Variants in SWT1 observed in about 807,000 individuals in gnomAD.
The protein encoded by SWT1 is SWT1 RNA endoribonuclease homolog, also known as transcriptional protein SWT1.
A neutral mutation model predicts 107.3 loss-of-function variants in SWT1; 33 were observed. That is an observed-to-expected ratio of 0.31 (90% CI 0.23 to 0.41). The LOEUF (loss-of-function observed/expected upper bound fraction) is 0.41. Ranked by LOEUF, SWT1 falls within the 10% of genes least tolerant of loss-of-function variation. The probability of loss-of-function intolerance (pLI) is 1.00; values close to 1 mark genes in which losing one functional copy is unlikely to be tolerated. For missense variants in SWT1, 898 were observed against 1,028.9 expected, an observed-to-expected ratio of 0.87 and a Z score of 1.74; for synonymous variants, 345 against 348.3, an observed-to-expected ratio of 0.99 and a Z score of 0.11.
chr1:185,201,111 C>T (rs1657838688), intron 10 of SWT1, among the ~76,000 whole-genome samples: 1 of 152,030 alleles, frequency 6.6e-6, no homozygotes, highest in Non-Finnish European at 1.5e-5. Flanking sequence ...CCACCAAATT[C>T]CAGCATCCTA....
chr1:185,246,102 T>C (rs1416370647), intron 16 of SWT1, among the ~76,000 whole-genome samples: 1 of 152,046 alleles, frequency 6.6e-6, no homozygotes, highest in Non-Finnish European at 1.5e-5. Flanking sequence ...CCATCATATA[T>C]GTGGTCCATT....
chr1:185,186,052 A>G (rs1327852873), intron 9 of SWT1, among the ~76,000 whole-genome samples: 1 of 152,156 alleles, frequency 6.6e-6, no homozygotes, highest in African/African-American at 2.4e-5. Flanking sequence ...ACCCGGGGGA[A>G]GTTAAAGGTG....
chr1:185,182,082 T>A, intron 7 of SWT1, 25 bp downstream of exon 7: 1 of 1,582,034 alleles, frequency 6.3e-7, no homozygotes, highest in Non-Finnish European at 8.6e-7. Flanking sequence ...TTGATGTGTA[T>A]GCTCCCCTAT....
At position 185,201,099 on chromosome 1, in the gene SWT1, C is replaced by T. The variant is rs189595119; in HGVS notation, c.1524-1555C>T. Among the ~76,000 whole-genome samples, 238 of 152,236 alleles carry T rather than the reference C, an allele frequency of 1.6e-3. 1 individual carries two copies. The highest frequency in any genetic ancestry group is 5.6e-3 in the African/African-American group (232 of 41,548). ...CTTCAGTAATGGCGGATGCCCCTCC[C>T]CCCACCAAATTCCAGCATCCTAGGT... On this transcript the variant is annotated intron_variant, in intron 10 of 18. Coordinates refer to ENST00000367500, the MANE Select transcript of SWT1 (RefSeq NM_017673.7).
chr1:185,215,969 T>C lies in SWT1; in HGVS notation c.2121+1314T>C, dbSNP rs1454402811. ...CCAGTATAGATATTATGTTCTCTTT[T>C]TTCTCTGAGGAACTGAATTGTCCAG... On this transcript the variant is annotated intron_variant, in intron 14 of 18. Transcript: ENST00000367500. Among the ~76,000 whole-genome samples, 3 of 152,184 alleles carry C rather than the reference T, an allele frequency of 2.0e-5. No individual in the cohort carries two copies. The East Asian group carries it at 5.8e-4, about 29-fold the overall frequency.
intron 8 of SWT1, 117 bp downstream of exon 8, chr1:185,184,461 A>G: frequency 1.5e-6 from 1 of 676,966 alleles, no homozygotes; most frequent in South Asian, 1.8e-5. Flanking sequence ...GCTATATATT[A>G]AGCATATTCA....
At position 185,167,122 on chromosome 1, in the gene SWT1, G is replaced by A. The variant is rs534342147; in HGVS notation, c.165+470G>A. ...AGGGTTTTACCTTGTTGACCAGGAT[G>A]GTCTCAAACTCCTGACCTCAAGTGA... On this transcript the variant is annotated intron_variant, in intron 3 of 18. Transcript: ENST00000367500. 1.7e-4 allele frequency among the ~76,000 whole-genome samples: 26 copies of A among 152,214 alleles called. No individual in the cohort carries two copies. The South Asian group carries it at 4.8e-3, about 28-fold the overall frequency.
At chr1:185,252,065 A>G (rs1571619697) in intron 16 of SWT1, among the ~76,000 whole-genome samples, 1 of 151,698 alleles carries the variant, frequency 6.6e-6, no homozygotes, top group African/African-American at 2.4e-5. Context: ...TGTTCTTGCG[A>G]TAGTTTACTG....
intron 10 of SWT1, among the ~76,000 whole-genome samples, chr1:185,197,027 T>C (rs1657452462): frequency 6.6e-6 from 1 of 152,228 alleles, no homozygotes; most frequent in Non-Finnish European, 1.5e-5. Flanking sequence ...CCTTGTTTTG[T>C]GCCGGTTTTC....
chr1:185,272,964 T>G (rs923177032), intron 17 of SWT1, among the ~76,000 whole-genome samples: 5 of 151,196 alleles, frequency 3.3e-5, no homozygotes, highest in African/African-American at 1.2e-4. Context: ...GTCCGGGAGG[T>G]CAAGGCTGCA....
chr1:185,260,901 T>A (rs2102692186), intron 16 of SWT1, among the ~76,000 whole-genome samples: 1 of 152,276 alleles, frequency 6.6e-6, no homozygotes. Context: ...TTCTTGACTC[T>A]TTCCCCACAG....
intron 16 of SWT1, among the ~76,000 whole-genome samples, chr1:185,268,308 T>C (rs1476031391): frequency 1.3e-5 from 2 of 152,234 alleles, no homozygotes. Flanking sequence ...TAACTAAATA[T>C]TTACATTTAG....
chr1:185,284,849 C>G lies in SWT1; in HGVS notation c.2574-5825C>G, dbSNP rs1664853918. 3.3e-5 allele frequency among the ~76,000 whole-genome samples: 5 copies of G among 151,560 alleles called. No homozygotes were observed. In the South Asian group the frequency reaches 1.0e-3, roughly 32 times the overall value. ...TGTTTCATTCCAGTGCCTCTCTGGACCTGATAATTTAAACAGGCTTGCATT... is the reference window on the plus strand; with the variant it reads ...TGTTTCATTCCAGTGCCTCTCTGGAGCTGATAATTTAAACAGGCTTGCATT... On this transcript the variant is annotated intron_variant, in intron 18 of 18. Transcript: ENST00000367500.
intron 2 of SWT1, among the ~76,000 whole-genome samples, chr1:185,165,804 C>T (rs1270631332): frequency 2.0e-5 from 3 of 152,242 alleles, no homozygotes; most frequent in Non-Finnish European, 2.9e-5. Flanking sequence ...AGGCATGTTT[C>T]TGCCTCTGGG....
intron 11 of SWT1, among the ~76,000 whole-genome samples, chr1:185,203,689 G>A (rs979947662): frequency 6.0e-5 from 9 of 150,446 alleles, no homozygotes; most frequent in African/African-American, 2.2e-4. Flanking sequence ...AATCTGTTCT[G>A]TAGCTTGATA....
At position 185,174,382 on chromosome 1, in the gene SWT1, G is replaced by T; in HGVS notation, c.235G>T (p.Glu79Ter). ...TGTGCTGTTTTACAGATTGAGTGTAGAAATTGACACTCTCAGAAGGAGACC... is the reference window on the plus strand; with the variant it reads ...TGTGCTGTTTTACAGATTGAGTGTATAAATTGACACTCTCAGAAGGAGACC... ...RRQGLKRLSV[E>*]IDTLRRRPKI... Residue 79 changes from glutamate (E) to a stop codon, truncating the protein, a stop_gained, in exon 5 of 19, where the codon GAA (glutamate) becomes TAA (stop). Coordinates refer to ENST00000367500, the MANE Select transcript of SWT1 (RefSeq NM_017673.7). LOFTEE classifies it high-confidence loss of function. The T allele has an allele frequency of 6.5e-7, 1 of 1,547,238 alleles. No individual in the cohort carries two copies. The highest frequency in any genetic ancestry group is 1.3e-5 in the South Asian group (1 of 78,206).
intron 18 of SWT1, chr1:185,281,822 AC>A (rs1664642447): frequency 6.5e-6 from 1 of 152,952 alleles, no homozygotes; most frequent in Admixed American, 6.5e-5. Flanking sequence ...AAAAAGTAAA[AC>A]ATGTAGCTTT....
In SWT1 at chr1:185,184,164, T is replaced by A. The variant is rs1019133157; in HGVS notation, c.1139-79T>A. On this transcript the variant is annotated intron_variant, in intron 7 of 18. Coordinates refer to ENST00000367500, the MANE Select transcript of SWT1 (RefSeq NM_017673.7). ...GTTTTAAATTTAATTGAATTTTCAA[T>A]GCTTCTGTAATATCAAAATTTTAGT... 20 of 675,482 alleles carry A rather than the reference T, an allele frequency of 3.0e-5. No homozygotes were observed. The African/African-American group carries it at 3.2e-4, about 11-fold the overall frequency. The allele number at this position is 675,482 out of a possible 1,614,324, so 41.8% of individuals were successfully genotyped here.
chr1:185,269,811 A>G (rs531101235), intron 16 of SWT1, among the ~76,000 whole-genome samples: 48 of 152,358 alleles, frequency 3.2e-4, no homozygotes, highest in Admixed American at 2.3e-3. Flanking sequence ...TTTCAATTCT[A>G]TGATGGTGCA....
Sources: gnomAD v4.1 joint callset for allele counts (sites outside exome capture counted in the v4.1 genomes callset) on GRCh38, gnomAD v4.1.1 for gene constraint, MANE v1.5 for transcripts, NCBI Gene and HGNC (gene_info 2026-07-23, HGNC 2026-07-21) for gene names.